MACROD2: variants seen among roughly 807,000 people sequenced by gnomAD.
MACROD2 encodes the protein mono-ADP ribosylhydrolase 2.
In MACROD2, 36 loss-of-function variants were observed where a neutral mutation model predicts 70.4. The observed-to-expected ratio is 0.51, with a 90% CI of 0.39 to 0.68. MACROD2 has a LOEUF of 0.68. Ranked by LOEUF, MACROD2 falls within the 30% of genes least tolerant of loss-of-function variation. The pLI is 0.00. For synonymous variants in MACROD2, 172 were observed against 178.8 expected, an observed-to-expected ratio of 0.96 and a Z score of 0.30; for missense variants, 496 against 538.4, an observed-to-expected ratio of 0.92 and a Z score of 0.78.
At chr20:15,405,370 A>G (rs1241609630) in intron 6 of MACROD2, among the ~76,000 whole-genome samples, 1 of 152,220 alleles carries the variant, frequency 6.6e-6, no homozygotes, top group Non-Finnish European at 1.5e-5. Flanking sequence ...GTCAAAGCAA[A>G]TAAGGTCTTC....
intron 3 of MACROD2, among the ~76,000 whole-genome samples, chr20:14,245,087 G>A (rs1040088510): frequency 1.3e-5 from 2 of 152,114 alleles, no homozygotes; most frequent in Admixed American, 6.6e-5. Context: ...TGCCTAGGCC[G>A]GGCGTAGTGG....
At chr20:14,818,965 G>A (rs2072806942) in intron 5 of MACROD2, among the ~76,000 whole-genome samples, 1 of 149,766 alleles carries the variant, frequency 6.7e-6, no homozygotes, top group African/African-American at 2.5e-5. Context: ...TAATTAACTT[G>A]TCTAAAATCA....
intron 6 of MACROD2, among the ~76,000 whole-genome samples, chr20:15,394,455 A>G (rs1034045314): frequency 2.6e-5 from 4 of 152,206 alleles, no homozygotes; most frequent in African/African-American, 9.7e-5. Context: ...TGATACTTAC[A>G]GTATTAACCA....
Position 14,590,481 on chromosome 20 carries a change from A to ACC in MACROD2, c.302-94359_302-94358dup, listed in dbSNP as rs560309776. On this transcript the variant is annotated intron_variant, in intron 4 of 17. Transcript: ENST00000684519. ...TAGGACACATTCAAACTCCTAGCCT[A>ACC]CCCCGTACACTTGAGTAGCTGTCAG... 4.7e-4 allele frequency among the ~76,000 whole-genome samples: 71 copies of ACC among 152,278 alleles called. 1 individual carries two copies. In the South Asian group the frequency reaches 4.8e-3, roughly 10 times the overall value.
chr20:15,174,161 C>A (rs1257379858), intron 5 of MACROD2, among the ~76,000 whole-genome samples: 3 of 152,172 alleles, frequency 2.0e-5, no homozygotes, highest in South Asian at 2.1e-4. Context: ...ATATAAATGA[C>A]AAATTTTTAT....
At chr20:14,677,492 AG>A (rs2070876166) in intron 4 of MACROD2, among the ~76,000 whole-genome samples, 1 of 152,216 alleles carries the variant, frequency 6.6e-6, no homozygotes, top group Admixed American at 6.5e-5. Context: ...AAAATATGTC[AG>A]GGAGTCAAAA....
Position 14,667,479 on chromosome 20 carries a change from G to A in MACROD2, c.302-17364G>A, listed in dbSNP as rs6105305. Among the ~76,000 whole-genome samples the A allele has an allele frequency of 1.9e-3, 292 of 152,252 alleles. 2 individuals are homozygous for A. The highest frequency in any genetic ancestry group is 6.5e-3 in the African/African-American group (268 of 41,548). On this transcript the variant is annotated intron_variant, in intron 4 of 17. Coordinates refer to ENST00000684519, the MANE Select transcript of MACROD2 (RefSeq NM_001351661.2). ...TTCATTGCATATTTTTCTAGGATGAGAAAGTTTGTACTTTTTATTTCATAA... is the reference window on the plus strand; with the variant it reads ...TTCATTGCATATTTTTCTAGGATGAAAAAGTTTGTACTTTTTATTTCATAA...
At chr20:15,009,454 A>C (rs2122928050) in intron 5 of MACROD2, among the ~76,000 whole-genome samples, 1 of 152,208 alleles carries the variant, frequency 6.6e-6, no homozygotes, top group South Asian at 2.1e-4. Flanking sequence ...AGGGGAAGCA[A>C]ACTCATCATC....
chr20:15,817,807 C>A (rs1032323363), intron 8 of MACROD2, among the ~76,000 whole-genome samples: 2 of 152,170 alleles, frequency 1.3e-5, no homozygotes, highest in African/African-American at 4.8e-5. Flanking sequence ...TAATTGGGTT[C>A]TTTCCTCCCT....
intron 5 of MACROD2, among the ~76,000 whole-genome samples, chr20:14,887,459 G>T (rs61392935): frequency 0.13 from 19,816 of 150,136 alleles, 1,712 homozygotes; most frequent in South Asian, 0.32. Flanking sequence ...GTGGCATGAT[G>T]TCGGCTCAGT....
chr20:14,640,588 C>T (rs979426367), intron 4 of MACROD2, among the ~76,000 whole-genome samples: 7 of 152,050 alleles, frequency 4.6e-5, no homozygotes, highest in Admixed American at 6.6e-5. Flanking sequence ...TCAATCTACC[C>T]CAAATTATCT....
At chr20:14,862,211 A>T (rs1341474722) in intron 5 of MACROD2, among the ~76,000 whole-genome samples, 1 of 5,424 alleles carries the variant, frequency 1.8e-4, no homozygotes, top group South Asian at 4.2e-3. Flanking sequence ...ATATAAATAT[A>T]TATATATATA....
At chr20:14,931,377 A>G (rs1482762481) in intron 5 of MACROD2, among the ~76,000 whole-genome samples, 1 of 152,156 alleles carries the variant, frequency 6.6e-6, no homozygotes, top group African/African-American at 2.4e-5. Context: ...CTTTAACCCA[A>G]AACAAAAGGC....
chr20:15,438,475 C>A (rs554924369), intron 7 of MACROD2, among the ~76,000 whole-genome samples: 8 of 152,194 alleles, frequency 5.3e-5, no homozygotes, highest in Admixed American at 3.3e-4. Flanking sequence ...ACATGTATGT[C>A]TTCTTTTGAG....
intron 3 of MACROD2, among the ~76,000 whole-genome samples, chr20:14,474,809 T>C (rs903898651): frequency 1.3e-5 from 2 of 152,156 alleles, no homozygotes; most frequent in Non-Finnish European, 2.9e-5. Context: ...TTGGTTTCCA[T>C]TTGCATGGAA....
chr20:14,486,145 G>A (rs568630024), intron 3 of MACROD2, among the ~76,000 whole-genome samples: 152 of 152,232 alleles, frequency 1.0e-3, no homozygotes, highest in Non-Finnish European at 1.7e-3. Context: ...ATGGACCAGG[G>A]GCCACCAACA....
chr20:15,309,827 G>A (rs2077733588), intron 6 of MACROD2, among the ~76,000 whole-genome samples: 1 of 152,162 alleles, frequency 6.6e-6, no homozygotes, highest in Non-Finnish European at 1.5e-5. Flanking sequence ...GCTAGGTATT[G>A]AAGAACAAGA....
intron 8 of MACROD2, among the ~76,000 whole-genome samples, chr20:15,768,760 T>C (rs1600862899): frequency 6.6e-6 from 1 of 152,364 alleles, no homozygotes; most frequent in Non-Finnish European, 1.5e-5. Flanking sequence ...ATTTTATTTC[T>C]TTATATCTTT....
chr20:15,980,257 G>A (rs1401506006), intron 13 of MACROD2, among the ~76,000 whole-genome samples: 1 of 152,238 alleles, frequency 6.6e-6, no homozygotes, highest in Non-Finnish European at 1.5e-5. Context: ...AGGGCTGCCT[G>A]TCTTTGATTT....
Sources: allele counts gnomAD v4.1 joint callset (sites outside exome capture counted in the v4.1 genomes callset), GRCh38; gene constraint gnomAD v4.1.1; transcripts MANE v1.5; gene names NCBI Gene and HGNC (gene_info 2026-07-23, HGNC 2026-07-21).